The following NFATC3 variants were observed in gnomAD, a reference collection of about 807,000 sequenced individuals.
The protein encoded by NFATC3 is nuclear factor of activated T-cells, cytoplasmic 3.
Under a neutral mutation model 98.6 loss-of-function variants are expected in NFATC3, and 46 were observed. The ratio of observed to expected loss-of-function variants is 0.47; its 90% CI spans 0.37 to 0.60. The LOEUF (loss-of-function observed/expected upper bound fraction) is 0.60, where lower values mean the gene tolerates loss of function less well. NFATC3 is among the 20% of genes least tolerant of loss of function. The pLI, the probability that NFATC3 is intolerant of heterozygous loss-of-function variation, is 0.00. For synonymous variants in NFATC3, 512 were observed against 472.2 expected (o/e 1.08, Z -1.09); for missense variants, 1,256 against 1,295.5 (o/e 0.97, Z 0.47).
At chr16:68,179,859 A>G (rs1043790847) in intron 6 of NFATC3, among the ~76,000 whole-genome samples, 1 of 152,188 alleles carries the variant, frequency 6.6e-6, no homozygotes, top group Non-Finnish European at 1.5e-5. Context: ...TAATGTTCCA[A>G]AGGGCTGGGA....
At position 68,122,235 on chromosome 16, in the gene NFATC3, CCTAA is replaced by C; in HGVS notation, c.355_358del (p.Asn119ValfsTer5). On this transcript the variant is annotated frameshift_variant, in exon 2 of 10. Transcript: ENST00000346183. LOFTEE classifies it high-confidence loss of function. ...AAGTATTCAAATTACATCTATCTCT[CCTAA>C]CTGTCATCAAGAATTAGATGCACAT... The C allele has an allele frequency of 2.5e-6, 4 of 1,614,104 alleles. No individual in the cohort carries two copies. Among genetic ancestry groups the C allele is most frequent in the Non-Finnish European group, 3.4e-6 (4 of 1,180,030 alleles).
chr16:68,143,628 G>A (rs1047109050), intron 3 of NFATC3, among the ~76,000 whole-genome samples: 2 of 152,128 alleles, frequency 1.3e-5, no homozygotes, highest in African/African-American at 4.8e-5. Context: ...GCGGGCAGAT[G>A]ACCTGAGGTC....
intron 1 of NFATC3, among the ~76,000 whole-genome samples, chr16:68,092,787 A>G (rs2034799567): frequency 6.6e-6 from 1 of 152,106 alleles, no homozygotes; most frequent in African/African-American, 2.4e-5. Context: ...CATATTTCCC[A>G]CGTCTGTAGT....
rs763173926 is a variant in NFATC3, at chr16:68,122,801, A to T, written c.918A>T (p.Thr306=). ...GTCACTCCCCCAGGGGAAGTGTGAC[A>T]GAAGATACGTGGCTCAATGCTTCTG... ...SPGHSPRGSV[T]EDTWLNASVH... The change falls in exon 2 of 10, where the codon ACA becomes ACT. Residue 306 remains threonine, a synonymous_variant. Transcript: ENST00000346183. 4 of 1,614,162 alleles carry T rather than the reference A, an allele frequency of 2.5e-6. No homozygotes were observed. The highest frequency in any genetic ancestry group is 3.4e-6 in the Non-Finnish European group (4 of 1,180,060).
At chr16:68,149,520 A>G (rs1744848655) in intron 3 of NFATC3, among the ~76,000 whole-genome samples, 1 of 152,246 alleles carries the variant, frequency 6.6e-6, no homozygotes, top group Admixed American at 6.5e-5. Context: ...TACAAGGCTG[A>G]GCTGCAAGTA....
chr16:68,174,998 A>G (rs2039621153), intron 6 of NFATC3, among the ~76,000 whole-genome samples: 1 of 152,254 alleles, frequency 6.6e-6, no homozygotes, highest in South Asian at 2.1e-4. Flanking sequence ...TTTATTTATA[A>G]TTGCCAAAAA....
intron 9 of NFATC3, among the ~76,000 whole-genome samples, chr16:68,213,444 T>C (rs13334010): frequency 6.8e-6 from 1 of 146,968 alleles, no homozygotes; most frequent in Non-Finnish European, 1.5e-5. Context: ...AAATAAAAAT[T>C]AAAAAAAATA....
At chr16:68,193,672 T>TA (rs1172299524) in intron 9 of NFATC3, among the ~76,000 whole-genome samples, 1 of 151,930 alleles carries the variant, frequency 6.6e-6, no homozygotes, top group Non-Finnish European at 1.5e-5. Flanking sequence ...ACCCTGTCTC[T>TA]AAAAAAAATT....
intron 9 of NFATC3, among the ~76,000 whole-genome samples, chr16:68,217,420 C>T (rs1008877379): frequency 7.2e-6 from 1 of 138,822 alleles, no homozygotes; most frequent in East Asian, 2.1e-4. Flanking sequence ...GATCATGCCA[C>T]TGCACTCCAG....
intron 7 of NFATC3, among the ~76,000 whole-genome samples, chr16:68,182,930 C>T (rs2040009803): frequency 6.6e-6 from 1 of 152,150 alleles, no homozygotes; most frequent in Non-Finnish European, 1.5e-5. Context: ...TGTTAAGATA[C>T]ATAGTAACAT....
intron 9 of NFATC3, chr16:68,224,824 T>C (rs2041988543): frequency 6.6e-6 from 1 of 152,218 alleles, no homozygotes; most frequent in South Asian, 2.1e-4. Context: ...TCTGTTTTTG[T>C]TTATAACAGC....
intron 1 of NFATC3, 57 bp from the exon 2 acceptor site, chr16:68,121,930 G>T: frequency 1.3e-6 from 2 of 1,508,798 alleles, no homozygotes; most frequent in South Asian, 1.3e-5. Context: ...TTATACATCT[G>T]AGTTTTCTAA....
intron 8 of NFATC3, among the ~76,000 whole-genome samples, chr16:68,183,584 G>A (rs913464864): frequency 3.9e-5 from 6 of 152,102 alleles, no homozygotes; most frequent in African/African-American, 1.4e-4. Flanking sequence ...GAAGATGGAC[G>A]GTAGGTTTAA....
intron 3 of NFATC3, among the ~76,000 whole-genome samples, chr16:68,135,937 C>G (rs2037382598): frequency 6.6e-6 from 1 of 151,724 alleles, no homozygotes; most frequent in African/African-American, 2.4e-5. Flanking sequence ...GTGGTGCATG[C>G]CTGTAATCCC....
chr16:68,198,282 C>T (rs1303192971), intron 9 of NFATC3, among the ~76,000 whole-genome samples: 2 of 151,856 alleles, frequency 1.3e-5, no homozygotes, highest in Non-Finnish European at 2.9e-5. Flanking sequence ...CATGCTACTA[C>T]ACTCCAGCCC....
Position 68,207,400 on chromosome 16 carries a change from C to G in NFATC3, c.3106+15625C>G, listed in dbSNP as rs1406334990. Among the ~76,000 whole-genome samples, 5 of 152,082 alleles carry G rather than the reference C, an allele frequency of 3.3e-5. No homozygotes were observed. The East Asian group carries it at 9.6e-4, about 29-fold the overall frequency. The stretch of plus-strand genomic sequence containing the variant: ...ACACTGGCATACATACTGTTTGAGT[C>G]CCTCTTTTCAGTACTTTTGTGTGTT... On this transcript the variant is annotated intron_variant, in intron 9 of 9. Coordinates refer to ENST00000346183, the MANE Select transcript of NFATC3 (RefSeq NM_173165.3).
At chr16:68,166,660 G>A (rs181322838) in intron 4 of NFATC3, among the ~76,000 whole-genome samples, 183 bp from the exon 5 acceptor site, 7 of 152,226 alleles carry the variant, frequency 4.6e-5, no homozygotes, top group Non-Finnish European at 5.9e-5. Flanking sequence ...CACTTTTATC[G>A]TACAAAAATA....
In NFATC3 at chr16:68,212,158, A is replaced by T. The variant is rs145982905; in HGVS notation, c.3107-14192A>T. Among the ~76,000 whole-genome samples, 45 of 152,324 alleles carry T rather than the reference A, an allele frequency of 3.0e-4. No homozygotes were observed. In the East Asian group the frequency reaches 8.5e-3, roughly 29 times the overall value. Reference sequence around the variant, plus strand: ...GTATTTTGATATTTTCAGTATTTAAAATACTTTGCACACACTGTAATCTTT... The same window carrying T: ...GTATTTTGATATTTTCAGTATTTAATATACTTTGCACACACTGTAATCTTT... On this transcript the variant is annotated intron_variant, in intron 9 of 9. Coordinates refer to ENST00000346183, the MANE Select transcript of NFATC3 (RefSeq NM_173165.3).
chr16:68,142,884 C>G (rs2037831736), intron 3 of NFATC3, among the ~76,000 whole-genome samples: 3 of 152,054 alleles, frequency 2.0e-5, no homozygotes, highest in Admixed American at 2.0e-4. Flanking sequence ...CCCTTTACTT[C>G]TTTCTCTTGT....
Sources: gnomAD v4.1 joint callset for allele counts (sites outside exome capture counted in the v4.1 genomes callset) on GRCh38, gnomAD v4.1.1 for gene constraint, MANE v1.5 for transcripts, NCBI Gene and HGNC (gene_info 2026-07-23, HGNC 2026-07-21) for gene names.